CTNNA2: variants seen among roughly 807,000 people sequenced by gnomAD.
The protein encoded by CTNNA2 is catenin alpha 2, also known as catenin alpha-2.
In CTNNA2, 42 loss-of-function variants were observed where a neutral mutation model predicts 101.0. That is an observed-to-expected ratio of 0.42 (90% CI 0.32 to 0.54). The LOEUF (loss-of-function observed/expected upper bound fraction) is 0.54. CTNNA2 is among the 20% of genes least tolerant of loss of function. The probability of loss-of-function intolerance (pLI) is 0.14; values close to 1 mark genes in which losing one functional copy is unlikely to be tolerated. For synonymous variants in CTNNA2, 450 were observed against 456.4 expected, an observed-to-expected ratio of 0.99 and a Z score of 0.18; for missense variants, 871 against 1,223.1, an observed-to-expected ratio of 0.71 and a Z score of 4.29.
rs186943057 is a variant in CTNNA2 at position 79,354,273 on chromosome 2, C to T, written c.-317-19558C>T. Among the ~76,000 whole-genome samples, 30 of 152,222 alleles carry T rather than the reference C, an allele frequency of 2.0e-4. 1 individual carries two copies. The East Asian group carries it at 3.9e-3, about 20-fold the overall frequency. The stretch of plus-strand genomic sequence containing the variant: ...AAACTATGTCCTCAAATATGTTTTC[C>T]AACTTGCTTATTCTCTCTCCATCTC... On this transcript the variant is annotated intron_variant, in intron 3 of 21. Coordinates refer to the CTNNA2 transcript ENST00000466387.
At chr2:80,077,970 G>A (rs902170603) in intron 7 of CTNNA2, among the ~76,000 whole-genome samples, 16 of 152,080 alleles carry the variant, frequency 1.1e-4, no homozygotes, top group African/African-American at 3.9e-4. Flanking sequence ...TTTTTATGTA[G>A]TATATATGAA....
chr2:79,982,238 A>ATATG (rs1302937746), intron 7 of CTNNA2, among the ~76,000 whole-genome samples: 198 of 89,554 alleles, frequency 2.2e-3, no homozygotes, highest in Non-Finnish European at 2.6e-3. Context: ...ATATATATAT[A>ATATG]TATGTATGTA....
At chr2:80,153,247 G>T (rs540130235) in intron 7 of CTNNA2, among the ~76,000 whole-genome samples, 98 of 152,272 alleles carry the variant, frequency 6.4e-4, no homozygotes, top group African/African-American at 2.3e-3. Flanking sequence ...GTGTCTCCAG[G>T]GGCTTACTGA....
chr2:79,187,557 A>G (rs1163481553), intron 1 of CTNNA2, among the ~76,000 whole-genome samples: 1 of 152,168 alleles, frequency 6.6e-6, no homozygotes, highest in Non-Finnish European at 1.5e-5. Flanking sequence ...AAACTTTAGC[A>G]TATGAGAAGT....
chr2:80,506,758 C>T (rs938487417), intron 9 of CTNNA2, among the ~76,000 whole-genome samples: 2 of 152,090 alleles, frequency 1.3e-5, no homozygotes, highest in African/African-American at 2.4e-5. Context: ...GCAGGTCTAG[C>T]GTGGGAGGGA....
chr2:79,236,657 CAAGT>C (rs1191423347), intron 2 of CTNNA2, among the ~76,000 whole-genome samples: 1 of 152,204 alleles, frequency 6.6e-6, no homozygotes, highest in Non-Finnish European at 1.5e-5. Flanking sequence ...ACTATTTTAT[CAAGT>C]AAGTTTATGT....
intron 7 of CTNNA2, among the ~76,000 whole-genome samples, chr2:79,963,839 T>G (rs538054939): frequency 1.1e-3 from 175 of 152,302 alleles, no homozygotes; most frequent in African/African-American, 4.0e-3. Context: ...CCCTGCCAGG[T>G]AGACCTTTGG....
chr2:79,549,376 C>T (rs1194453010), intron 1 of CTNNA2, among the ~76,000 whole-genome samples: 1 of 152,194 alleles, frequency 6.6e-6, no homozygotes, highest in Non-Finnish European at 1.5e-5. Flanking sequence ...TCTCCTTGCT[C>T]ATCTGGTCCA....
chr2:79,413,224 A>G (rs932257878), intron 4 of CTNNA2, among the ~76,000 whole-genome samples: 2 of 151,934 alleles, frequency 1.3e-5, no homozygotes, highest in Non-Finnish European at 2.9e-5. Context: ...CTGCTAGACA[A>G]ATTTGAAAAG....
chr2:80,605,318 T>C (rs774875080), intron 16 of CTNNA2: 4 of 152,010 alleles, frequency 2.6e-5, no homozygotes, highest in East Asian at 1.9e-4. Flanking sequence ...CTATAAGCAA[T>C]AGTGATTTAC....
At chr2:80,323,034 G>T (rs1678869930) in intron 7 of CTNNA2, among the ~76,000 whole-genome samples, 1 of 152,202 alleles carries the variant, frequency 6.6e-6, no homozygotes, top group African/African-American at 2.4e-5. Context: ...CCATATTCTT[G>T]AAGAGAAGTG....
chr2:80,466,607 C>T (rs554819155), intron 9 of CTNNA2, among the ~76,000 whole-genome samples: 1 of 151,986 alleles, frequency 6.6e-6, no homozygotes, highest in African/African-American at 2.4e-5. Context: ...CCACATATTT[C>T]TTCAAAAAAA....
chr2:79,352,149 T>C (rs1677402922), intron 3 of CTNNA2, among the ~76,000 whole-genome samples: 1 of 152,222 alleles, frequency 6.6e-6, no homozygotes, highest in African/African-American at 2.4e-5. Flanking sequence ...TCGTTGTTTT[T>C]ATTTGCATTT....
intron 6 of CTNNA2, among the ~76,000 whole-genome samples, chr2:79,875,823 G>T (rs1389641289): frequency 6.6e-6 from 1 of 151,914 alleles, no homozygotes; most frequent in Non-Finnish European, 1.5e-5. Context: ...TCACAAAATT[G>T]CAGCGAGCAA....
intron 7 of CTNNA2, among the ~76,000 whole-genome samples, chr2:80,257,398 G>A (rs902421131): frequency 2.6e-5 from 4 of 152,038 alleles, no homozygotes; most frequent in Admixed American, 2.0e-4. Flanking sequence ...ACCAACCCTA[G>A]AGCATTACCA....
chr2:80,039,431 A>C (rs1326402935), intron 7 of CTNNA2, among the ~76,000 whole-genome samples: 3 of 152,168 alleles, frequency 2.0e-5, no homozygotes, highest in African/African-American at 7.2e-5. Flanking sequence ...CCGTCTTCTC[A>C]TGTGGTTTCT....
At chr2:80,404,774 A>T (rs886686412) in intron 8 of CTNNA2, among the ~76,000 whole-genome samples, 1 of 152,156 alleles carries the variant, frequency 6.6e-6, no homozygotes, top group African/African-American at 2.4e-5. Context: ...TAAAGATGGG[A>T]GCTAATTCCT....
chr2:79,421,768 A>G (rs1057123344), intron 4 of CTNNA2, among the ~76,000 whole-genome samples: 6 of 152,148 alleles, frequency 3.9e-5, no homozygotes, highest in Admixed American at 1.3e-4. Context: ...ATCAGAATCT[A>G]AGAGGCATTA....
At chr2:79,926,331 G>T (rs1452859472) in intron 7 of CTNNA2, among the ~76,000 whole-genome samples, 5 of 152,096 alleles carry the variant, frequency 3.3e-5, no homozygotes, top group African/African-American at 1.2e-4. Context: ...GAAAGTGTCA[G>T]GATTTTTAGT....
Sources: allele counts gnomAD v4.1 joint callset (sites outside exome capture counted in the v4.1 genomes callset), GRCh38; gene constraint gnomAD v4.1.1; transcripts MANE v1.5; gene names NCBI Gene and HGNC (gene_info 2026-07-23, HGNC 2026-07-21).